Variants in NAT2 observed in about 807,000 individuals in gnomAD.
NAT2 encodes the protein N-acetyltransferase 2.
For missense variants in NAT2, 428 were observed against 339.1 expected (o/e 1.26, Z -2.06); for synonymous variants, 137 against 125.9 (o/e 1.09, Z -0.59).
At chr8:18,399,903 T>TA in intron 1 of NAT2, 95 bp from the exon 2 acceptor site, 1 of 1,321,494 alleles carries the variant, frequency 7.6e-7, no homozygotes, top group Non-Finnish European at 1.0e-6. Context: ...ATTGTGTTTT[T>TA]ACGTATTTAA....
At chr8:18,395,818 C>G (rs1314036428) in intron 1 of NAT2, among the ~76,000 whole-genome samples, 2 of 152,062 alleles carry the variant, frequency 1.3e-5, no homozygotes, top group South Asian at 2.1e-4. Context: ...TTCATTTAGG[C>G]AAAGTGATAA....
upstream of NAT2, among the ~76,000 whole-genome samples, chr8:18,389,708 T>C (rs55642328): frequency 1.3e-5 from 2 of 152,324 alleles, no homozygotes; most frequent in African/African-American, 4.8e-5. Context: ...CTAATACATA[T>C]ATCCCAGCGA....
intron 1 of NAT2, 38 bp from the exon 2 acceptor site, chr8:18,399,960 A>G (rs1228292664): frequency 6.6e-7 from 1 of 1,518,264 alleles, no homozygotes; most frequent in Non-Finnish European, 8.8e-7. Flanking sequence ...CAAATGCTAA[A>G]GTATGATATG....
intron 1 of NAT2, 147 bp from the exon 2 acceptor site, chr8:18,399,851 G>A (rs1800756456): frequency 1.1e-6 from 1 of 922,450 alleles, no homozygotes; most frequent in African/African-American, 1.7e-5. Context: ...TCATGCAGTA[G>A]AAATACTAAC....
At chr8:18,398,553 CT>C (rs1490055394) in intron 1 of NAT2, among the ~76,000 whole-genome samples, 1 of 152,140 alleles carries the variant, frequency 6.6e-6, no homozygotes, top group Non-Finnish European at 1.5e-5. Context: ...ACTTCTGAAG[CT>C]TTTACCTTGG....
intron 1 of NAT2, among the ~76,000 whole-genome samples, chr8:18,394,170 A>T (rs978293500): frequency 6.6e-6 from 1 of 152,176 alleles, no homozygotes; most frequent in Non-Finnish European, 1.5e-5. Flanking sequence ...TAGGGGAGCT[A>T]TTGAGCCAGG....
At chr8:18,399,646 A>G (rs1200330405) in intron 1 of NAT2, among the ~76,000 whole-genome samples, 2 of 152,360 alleles carry the variant, frequency 1.3e-5, no homozygotes, top group East Asian at 3.9e-4. Flanking sequence ...ACTGTTTATA[A>G]GCCTATTATA....
upstream of NAT2, chr8:18,387,902 C>G (rs78199712): frequency 5.2e-5 from 8 of 152,790 alleles, no homozygotes; most frequent in Non-Finnish European, 1.0e-4. Context: ...TCCATTCCCC[C>G]CTCCCCTCCA....
At chr8:18,395,167 GT>G (rs1392010546) in intron 1 of NAT2, among the ~76,000 whole-genome samples, 5 of 151,988 alleles carry the variant, frequency 3.3e-5, no homozygotes, top group African/African-American at 7.2e-5. Context: ...AGTCCTGGGA[GT>G]TTTTTTTCTC....
At chr8:18,398,963 CTG>C (rs1302205191) in intron 1 of NAT2, among the ~76,000 whole-genome samples, 1 of 152,214 alleles carries the variant, frequency 6.6e-6, no homozygotes, top group Non-Finnish European at 1.5e-5. Flanking sequence ...TAGGCGAACA[CTG>C]TTCCGCTTAT....
At chr8:18,394,865 T>G (rs1046537956) in intron 1 of NAT2, among the ~76,000 whole-genome samples, 1 of 152,154 alleles carries the variant, frequency 6.6e-6, no homozygotes, top group Non-Finnish European at 1.5e-5. Context: ...ATAATTATAT[T>G]CCCATAAATT....
At chr8:18,390,446 G>A (rs939373356), upstream of NAT2, among the ~76,000 whole-genome samples, 16 of 152,132 alleles carry the variant, frequency 1.1e-4, no homozygotes, top group Non-Finnish European at 2.1e-4. Flanking sequence ...TCATGACAAA[G>A]AGATGATAAA....
chr8:18,391,071 T>C (rs1021294748), upstream of NAT2, among the ~76,000 whole-genome samples: 1 of 152,136 alleles, frequency 6.6e-6, no homozygotes, highest in Non-Finnish European at 1.5e-5. Context: ...GGCACAGCTC[T>C]CCTAGCCTGT....
In NAT2 at chr8:18,397,595, A is replaced by G. The variant is rs45475794; in HGVS notation, c.-6-2403A>G. Among the ~76,000 whole-genome samples, 499 of 152,320 alleles carry G rather than the reference A, an allele frequency of 3.3e-3. 4 individuals are homozygous for G. The highest frequency in any genetic ancestry group is 0.012 in the African/African-American group (482 of 41,586). Reference sequence around the variant, plus strand: ...CTTTAATTAAAATTGAATTATTTATAGTCGTCTTTCTGGAAACTGAGCTTT... The same window carrying G: ...CTTTAATTAAAATTGAATTATTTATGGTCGTCTTTCTGGAAACTGAGCTTT... On this transcript the variant is annotated intron_variant, in intron 1 of 1. Transcript: ENST00000286479.
At position 18,400,191 on chromosome 8, in the gene NAT2, A is replaced by G. The variant is rs779910396; in HGVS notation, c.188A>G (p.Asn63Ser). 2.0e-5 allele frequency: 32 copies of G among 1,613,212 alleles called. No homozygotes were observed. Among genetic ancestry groups the G allele is most frequent in the South Asian group, 1.8e-4 (16 of 91,014 alleles). The change falls in exon 2 of 2, where the codon AAC (asparagine) becomes AGC (serine). Residue 63 changes from asparagine to serine, a missense_variant. Physicochemically the swap from Asn to Ser is conservative, Grantham distance 46. Coordinates refer to ENST00000286479, the MANE Select transcript of NAT2 (RefSeq NM_000015.3). ...ATTTTTGATCACATTGTAAGAAGAA[A>G]CCGGGGTGGGTGGTGTCTCCAGGTC... ...EAIFDHIVRRNRGGWCLQVNQ... is the reference protein window; with the variant it reads ...EAIFDHIVRRSRGGWCLQVNQ...
chr8:18,394,664 C>A (rs1800653197), intron 1 of NAT2, among the ~76,000 whole-genome samples: 1 of 152,036 alleles, frequency 6.6e-6, no homozygotes. Context: ...AGGCCAGAAA[C>A]CTGTAAAGGA....
At chr8:18,398,380 G>A (rs1364466097) in intron 1 of NAT2, among the ~76,000 whole-genome samples, 2 of 152,148 alleles carry the variant, frequency 1.3e-5, no homozygotes, top group Non-Finnish European at 2.9e-5. Flanking sequence ...AAGGGAGAGG[G>A]CAAATTAGAG....
At position 18,399,578 on chromosome 8, in the gene NAT2, G is replaced by A. The variant is rs544774226; in HGVS notation, c.-6-420G>A. Among the ~76,000 whole-genome samples the A allele has an allele frequency of 2.6e-5, 4 of 152,106 alleles. No homozygotes were observed. The East Asian group carries it at 5.8e-4, about 22-fold the overall frequency. On this transcript the variant is annotated intron_variant, in intron 1 of 1. Transcript: ENST00000286479. ...GTACAGCTAAATGGGAAATCAAGTG[G>A]GTCATGTACCATGAATACCATATAC...
chr8:18,388,901 A>C (rs561540816), upstream of NAT2, among the ~76,000 whole-genome samples: 2 of 152,294 alleles, frequency 1.3e-5, no homozygotes, highest in South Asian at 4.1e-4. Context: ...AAAAACTTTG[A>C]TGAAGTCAAA....
Sources: gnomAD v4.1 joint callset for allele counts (sites outside exome capture counted in the v4.1 genomes callset) on GRCh38, gnomAD v4.1.1 for gene constraint, MANE v1.5 for transcripts, NCBI Gene and HGNC (gene_info 2026-07-23, HGNC 2026-07-21) for gene names.